Variants in CAB39L observed in about 807,000 individuals in gnomAD.
The protein encoded by CAB39L is calcium binding protein 39 like.
CAB39L carries 23 observed loss-of-function variants against 39.1 expected under a neutral mutation model. The observed-to-expected ratio is 0.59, with a 90% CI of 0.42 to 0.83. The LOEUF (loss-of-function observed/expected upper bound fraction) is 0.83, where lower values mean the gene tolerates loss of function less well. CAB39L is among the 40% of genes least tolerant of loss of function. The pLI is 0.00. For synonymous variants in CAB39L, 126 were observed against 137.2 expected, an observed-to-expected ratio of 0.92 and a Z score of 0.57; for missense variants, 366 against 391.9, an observed-to-expected ratio of 0.93 and a Z score of 0.56.
At position 49,383,135 on chromosome 13, in the gene CAB39L, T is replaced by C. The variant is rs369022467; in HGVS notation, c.-31-194A>G. Among the ~76,000 whole-genome samples the C allele has an allele frequency of 5.9e-5, 9 of 152,220 alleles. No homozygotes were observed. In the East Asian group the frequency reaches 1.7e-3, roughly 29 times the overall value. Reference sequence around the variant, plus strand: ...TTTTTAAAAAGATATTTTTAAAGTTTTGCTTGAAAGTTTTTATACAAAGTT... The same window carrying C: ...TTTTTAAAAAGATATTTTTAAAGTTCTGCTTGAAAGTTTTTATACAAAGTT... On this transcript the variant is annotated intron_variant, in intron 3 of 10. Transcript: ENST00000409308.
chr13:49,420,954 T>C (rs1351430769), intron 3 of CAB39L, among the ~76,000 whole-genome samples: 1 of 152,128 alleles, frequency 6.6e-6, no homozygotes, highest in Non-Finnish European at 1.5e-5. Context: ...ATAATAATCA[T>C]ATCTAAGGGC....
intron 10 of CAB39L, among the ~76,000 whole-genome samples, chr13:49,313,364 C>T (rs894033533): frequency 3.3e-5 from 5 of 151,962 alleles, no homozygotes; most frequent in African/African-American, 1.2e-4. Flanking sequence ...GCCTGTAGTC[C>T]CAGCTACTCG....
At chr13:49,382,354 T>C (rs1312933609) in intron 4 of CAB39L, among the ~76,000 whole-genome samples, 1 of 152,110 alleles carries the variant, frequency 6.6e-6, no homozygotes, top group African/African-American at 2.4e-5. Flanking sequence ...CCATAAACTT[T>C]AGAGAGAAAT....
At chr13:49,404,136 C>G (rs749243948) in intron 3 of CAB39L, among the ~76,000 whole-genome samples, 2 of 152,134 alleles carry the variant, frequency 1.3e-5, no homozygotes, top group Non-Finnish European at 2.9e-5. Flanking sequence ...CAGTGGTGGT[C>G]ACAAGAGGGC....
intron 3 of CAB39L, among the ~76,000 whole-genome samples, chr13:49,414,986 A>G (rs1462022831): frequency 6.6e-6 from 1 of 151,998 alleles, no homozygotes; most frequent in Non-Finnish European, 1.5e-5. Context: ...ACTTGAGGTC[A>G]GGCGTTCGAG....
chr13:49,355,659 T>C (rs1040997150), intron 6 of CAB39L, among the ~76,000 whole-genome samples: 1 of 151,958 alleles, frequency 6.6e-6, no homozygotes, highest in African/African-American at 2.4e-5. Context: ...AGATGGCCAA[T>C]TGAGCATTAA....
chr13:49,317,013 C>T (rs1271845338), intron 10 of CAB39L, among the ~76,000 whole-genome samples: 1 of 152,098 alleles, frequency 6.6e-6, no homozygotes, highest in Non-Finnish European at 1.5e-5. Context: ...CTGAGAGTCT[C>T]CAAAAGAAGT....
At chr13:49,324,014 T>C (rs918821048) in intron 10 of CAB39L, among the ~76,000 whole-genome samples, 3 of 152,078 alleles carry the variant, frequency 2.0e-5, no homozygotes, top group African/African-American at 7.2e-5. Context: ...TTCCTTCCTT[T>C]AAGAACATAC....
intron 3 of CAB39L, among the ~76,000 whole-genome samples, chr13:49,409,031 G>C (rs1459841867): frequency 5.9e-5 from 9 of 152,152 alleles, no homozygotes; most frequent in Admixed American, 4.6e-4. Context: ...GTGGGAAAGG[G>C]GCCTTTAGAG....
chr13:49,323,792 G>A (rs1165187346), intron 10 of CAB39L, among the ~76,000 whole-genome samples: 1 of 152,146 alleles, frequency 6.6e-6, no homozygotes, highest in Non-Finnish European at 1.5e-5. Context: ...AAACTGAAAT[G>A]AGTCCCTCCA....
intron 9 of CAB39L, among the ~76,000 whole-genome samples, chr13:49,335,949 T>C (rs1185866705): frequency 6.6e-6 from 1 of 152,176 alleles, no homozygotes; most frequent in African/African-American, 2.4e-5. Context: ...AGTTGCTATA[T>C]AATAATCTAA....
intron 10 of CAB39L, among the ~76,000 whole-genome samples, chr13:49,311,739 A>G (rs922753399): frequency 6.6e-6 from 1 of 152,222 alleles, no homozygotes; most frequent in African/African-American, 2.4e-5. Flanking sequence ...AGCTTATAGA[A>G]TAAGGATATA....
At chr13:49,377,164 G>A in intron 4 of CAB39L, 33 bp from the exon 5 acceptor site, 2 of 1,583,384 alleles carry the variant, frequency 1.3e-6, no homozygotes, top group African/African-American at 1.4e-5. Flanking sequence ...ACGGTTAAAA[G>A]AATAAAAATG....
At chr13:49,331,380 C>T (rs1039115454) in intron 10 of CAB39L, among the ~76,000 whole-genome samples, 3 of 151,948 alleles carry the variant, frequency 2.0e-5, no homozygotes, top group Non-Finnish European at 2.9e-5. Context: ...GGAGGAGAAT[C>T]GCTTTAACCT....
intron 5 of CAB39L, among the ~76,000 whole-genome samples, chr13:49,373,134 T>C (rs1197377114): frequency 6.6e-6 from 1 of 152,214 alleles, no homozygotes; most frequent in Non-Finnish European, 1.5e-5. Context: ...CATCTTCCTT[T>C]TGTCATGGTT....
intron 5 of CAB39L, 83 bp downstream of exon 5, chr13:49,376,884 T>A: frequency 3.5e-6 from 4 of 1,132,132 alleles, no homozygotes; most frequent in Admixed American, 2.5e-5. Context: ...AAAGCAAAAG[T>A]TGAATAGTAG....
At chr13:49,324,412 C>T (rs566348630) in intron 10 of CAB39L, among the ~76,000 whole-genome samples, 52 of 152,204 alleles carry the variant, frequency 3.4e-4, no homozygotes, top group African/African-American at 1.2e-3. Flanking sequence ...ATTTAAATAG[C>T]CACTATGTGC....
chr13:49,407,752 C>A (rs1046418119), intron 3 of CAB39L, among the ~76,000 whole-genome samples: 1 of 150,896 alleles, frequency 6.6e-6, no homozygotes, highest in Non-Finnish European at 1.5e-5. Flanking sequence ...AAGGCCAAGG[C>A]CCAGTGGCTC....
intron 10 of CAB39L, among the ~76,000 whole-genome samples, chr13:49,327,581 G>A (rs1280825807): frequency 6.6e-6 from 1 of 151,720 alleles, no homozygotes; most frequent in Non-Finnish European, 1.5e-5. Flanking sequence ...TGGGATTACG[G>A]GCATGAGCCA....
Sources: allele counts gnomAD v4.1 joint callset (sites outside exome capture counted in the v4.1 genomes callset), GRCh38; gene constraint gnomAD v4.1.1; transcripts MANE v1.5; gene names NCBI Gene and HGNC (gene_info 2026-07-23, HGNC 2026-07-21).